TTC34: variants seen among roughly 807,000 people sequenced by gnomAD.
The protein encoded by TTC34 is tetratricopeptide repeat domain 34, also known as tetratricopeptide repeat protein 34.
TTC34 carries 44 observed loss-of-function variants against 40.7 expected under a neutral mutation model. The observed-to-expected ratio is 1.08, with a 90% CI of 0.85 to 1.39. TTC34 has a LOEUF of 1.39. Ranked by LOEUF, TTC34 falls within the 40% of genes most tolerant of loss-of-function variation. The pLI is 0.00. For missense variants in TTC34, 884 were observed against 838.0 expected, an observed-to-expected ratio of 1.05 and a Z score of -0.68; for synonymous variants, 422 against 398.6, an observed-to-expected ratio of 1.06 and a Z score of -0.70.
rs760653494 is a variant in TTC34, at chr1:2,645,540, A to G, written c.2250T>C (p.Ser750=). ...CAGTCCCGGGGCCGAGCTTCAGAGC[A>G]GAGACGATGTCGTCCACGGCTTCCT... Residue 750 remains serine (S), a synonymous_variant, in exon 7 of 9, where the codon TCT becomes TCC. Coordinates refer to ENST00000401095, the Ensembl canonical transcript of TTC34. This position sits in a 1 kb window ranked among gnomAD's most constrained non-coding sequence, Gnocchi z 4.7. 2.2e-5 allele frequency: 24 copies of G among 1,115,068 alleles called. No homozygotes were observed. In the South Asian group the frequency reaches 3.1e-4, roughly 15 times the overall value. The allele number at this position is 1,115,068 out of a possible 1,614,324, so 69.1% of individuals were successfully genotyped here.
chr1:2,768,022 C>T (rs1015086410), intron 6 of TTC34, among the ~76,000 whole-genome samples: 9 of 151,064 alleles, frequency 6.0e-5, no homozygotes, highest in Non-Finnish European at 1.0e-4. Context: ...GAGCATCTGA[C>T]AGCATAAAAC....
rs1238250168 is a variant in TTC34, at chr1:2,751,034, A to C, written c.2226+32575T>G. Among the ~76,000 whole-genome samples, 23 of 67,426 alleles carry C rather than the reference A, an allele frequency of 3.4e-4. 5 individuals are homozygous for C. The highest frequency in any genetic ancestry group is 8.3e-5 in the Non-Finnish European group (3 of 36,332). The allele number at this position is 67,426 out of a possible 152,430, so 44.2% of individuals were successfully genotyped here. A position where few individuals can be genotyped will look rare whatever the true frequency, so the allele number is the denominator to read the frequency against. ...ACAGGTGAGCATCTGACAGCCTGGA[A>C]CAGAACCCACACCCCCAGGTGAGCA... is the stretch of plus-strand genomic sequence containing the variant. On this transcript the variant is annotated intron_variant, in intron 6 of 8. Coordinates refer to ENST00000401095, the Ensembl canonical transcript of TTC34.
At chr1:2,752,507 T>C (rs1239286327) in intron 6 of TTC34, among the ~76,000 whole-genome samples, 57 of 58,870 alleles carry the variant, frequency 9.7e-4, no homozygotes, top group Middle Eastern at 0.014. Flanking sequence ...GGTGAGCATC[T>C]GACAGCCTGG....
At chr1:2,783,648 A>G (rs969672563) in exon 6 of TTC34, 5 of 1,486,550 alleles carry the variant, frequency 3.4e-6, no homozygotes, top group Non-Finnish European at 4.5e-6. Context: ...ACGCCCGTCC[A>G]CACAGTGCCT....
intron 6 of TTC34, among the ~76,000 whole-genome samples, chr1:2,750,702 C>G (rs1360037470): frequency 5.8e-5 from 4 of 69,384 alleles, no homozygotes; most frequent in Admixed American, 1.5e-4. Flanking sequence ...AGTGAGCATC[C>G]GACAGCCTGG....
rs1300137910 is a variant in TTC34 at position 2,688,257 on chromosome 1, G to A, written c.2227-42694C>T. 4.1e-5 allele frequency among the ~76,000 whole-genome samples: 5 copies of A among 121,764 alleles called. No homozygotes were observed. The South Asian group carries it at 7.4e-4, about 18-fold the overall frequency. The allele number at this position is 121,764 out of a possible 152,430, so 79.9% of individuals were successfully genotyped here. ...TGGAGCAGCACCCACACCCCCAGGG[G>A]AGCATGTGACAGCCTGGATCAGCAC... is the stretch of plus-strand genomic sequence containing the variant. On this transcript the variant is annotated intron_variant, in intron 6 of 8. Coordinates refer to ENST00000401095, the Ensembl canonical transcript of TTC34.
intron 6 of TTC34, among the ~76,000 whole-genome samples, chr1:2,695,074 C>A (rs1404461608): frequency 1.5e-4 from 20 of 137,684 alleles, no homozygotes; most frequent in Non-Finnish European, 1.6e-4. Flanking sequence ...GCACACACAC[C>A]CCCAGGCGAG....
chr1:2,642,691 T>TTTCTCGCTGGCGCTGCCTCTCTTCC (rs1638932373), intron 8 of TTC34, among the ~76,000 whole-genome samples: 2 of 152,230 alleles, frequency 1.3e-5, no homozygotes, highest in Admixed American at 1.3e-4. Flanking sequence ...AGGCCCCGCC[T>TTTCTCGCTGGCGCTGCCTCTCTTCC]TTCTCGCTGG....
intron 5 of TTC34, 99 bp downstream of exon 5, chr1:2,785,720 G>A (rs1278233710): frequency 1.5e-6 from 2 of 1,328,314 alleles, no homozygotes; most frequent in African/African-American, 1.5e-5. Context: ...CTGCACCTGG[G>A]GAGCATGCGT....
intron 6 of TTC34, among the ~76,000 whole-genome samples, chr1:2,769,623 A>AC (rs1641975932): frequency 2.7e-5 from 3 of 111,954 alleles, no homozygotes; most frequent in South Asian, 3.0e-4. Flanking sequence ...CTGGAACAGC[A>AC]CCCACACCCC....
At chr1:2,783,295 C>T (rs923935858) in intron 6 of TTC34, among the ~76,000 whole-genome samples, 3 of 152,180 alleles carry the variant, frequency 2.0e-5, no homozygotes, top group Admixed American at 2.0e-4. Context: ...TGGCCAACAA[C>T]CCCAGAGGGA....
chr1:2,691,578 C>CT, intron 6 of TTC34, among the ~76,000 whole-genome samples: 1 of 133,652 alleles, frequency 7.5e-6, no homozygotes, highest in Non-Finnish European at 1.7e-5. Flanking sequence ...GAACAGCACC[C>CT]ACATGCCCAG....
intron 2 of TTC34, among the ~76,000 whole-genome samples, chr1:2,798,417 C>T (rs1432363791): frequency 1.7e-5 from 2 of 120,566 alleles, no homozygotes; most frequent in Admixed American, 1.6e-4. Flanking sequence ...CTCCTAGCCT[C>T]CCAGCCTCTC....
At chr1:2,692,252 G>A (rs145856667) in intron 6 of TTC34, among the ~76,000 whole-genome samples, 1 of 61,776 alleles carries the variant, frequency 1.6e-5, no homozygotes, top group South Asian at 5.2e-4. Flanking sequence ...ACAGCCTGGA[G>A]CAGCACCCAC....
chr1:2,691,670 G>T (rs1252752619), intron 6 of TTC34, among the ~76,000 whole-genome samples: 2 of 97,034 alleles, frequency 2.1e-5, no homozygotes, highest in Non-Finnish European at 4.9e-5. Context: ...ACACCCCCAG[G>T]TGAGCATCTG....
At chr1:2,782,791 C>G (rs1480373305) in intron 6 of TTC34, among the ~76,000 whole-genome samples, 6 of 152,246 alleles carry the variant, frequency 3.9e-5, no homozygotes, top group African/African-American at 1.4e-4. Flanking sequence ...GAAACTGAGG[C>G]CTGGGGAGGT....
At chr1:2,662,440 C>A (rs1570774669) in intron 6 of TTC34, among the ~76,000 whole-genome samples, 3 of 101,696 alleles carry the variant, frequency 2.9e-5, no homozygotes, top group East Asian at 2.3e-4. Flanking sequence ...CGCCCACAAC[C>A]CCAGGCGAGC....
At chr1:2,768,188 C>T (rs1420795903) in intron 6 of TTC34, among the ~76,000 whole-genome samples, 1 of 151,886 alleles carries the variant, frequency 6.6e-6, no homozygotes, top group East Asian at 1.9e-4. Context: ...ATCTGACAGC[C>T]TGGAGCAGCA....
At chr1:2,644,272 G>A (rs1391977518) in exon 8 of TTC34, 3 of 1,533,840 alleles carry the variant, frequency 2.0e-6, no homozygotes, top group Non-Finnish European at 2.6e-6. Context: ...ACCTGGGCAA[G>A]GCTCTGCCGC....
Sources: allele counts gnomAD v4.1 joint callset (sites outside exome capture counted in the v4.1 genomes callset), GRCh38; gene constraint gnomAD v4.1.1; non-coding constraint Gnocchi (gnomAD v3.1); transcripts MANE v1.5; gene names NCBI Gene and HGNC (gene_info 2026-07-23, HGNC 2026-07-21).